The following LTBP1 variants were observed in gnomAD, a reference collection of about 807,000 sequenced individuals.
The protein encoded by LTBP1 is latent transforming growth factor beta binding protein 1, also known as latent-transforming growth factor beta-binding protein 1.
Under a neutral mutation model 207.6 loss-of-function variants are expected in LTBP1, and 129 were observed. That is an observed-to-expected ratio of 0.62 (90% CI 0.54 to 0.72). LTBP1 has a LOEUF of 0.72. Ranked by LOEUF, LTBP1 falls within the 30% of genes least tolerant of loss-of-function variation. LTBP1 has a pLI of 0.00. For missense variants in LTBP1, 2,281 were observed against 2,217.2 expected (o/e 1.03, Z -0.58); for synonymous variants, 963 against 833.7 (o/e 1.16, Z -2.67).
chr2:33,149,699 G>A (rs949568576), intron 5 of LTBP1, among the ~76,000 whole-genome samples: 1 of 152,200 alleles, frequency 6.6e-6, no homozygotes, highest in African/African-American at 2.4e-5. Flanking sequence ...ACTGAAACAA[G>A]AAATGACAAA....
Position 33,275,091 on chromosome 2 carries a change from G to A in LTBP1, c.2869+1G>A. On this transcript the variant is annotated splice_donor_variant, in intron 17 of 33. Transcript: ENST00000404816. LOFTEE classifies it high-confidence loss of function. Reference sequence around the variant, plus strand: ...AGTGAGGAGGGTACTAACTGCATAGGTAATGGCAGCATTCTTCCTGCTTAC... The same window carrying A: ...AGTGAGGAGGGTACTAACTGCATAGATAATGGCAGCATTCTTCCTGCTTAC... 1.9e-6 allele frequency: 3 copies of A among 1,613,640 alleles called. No individual in the cohort carries two copies. The highest frequency in any genetic ancestry group is 2.2e-5 in the South Asian group (2 of 91,062).
chr2:33,164,496 G>A (rs145292269), intron 5 of LTBP1, among the ~76,000 whole-genome samples: 155 of 151,608 alleles, frequency 1.0e-3, no homozygotes, highest in African/African-American at 3.5e-3. Flanking sequence ...TGTTTAGGAT[G>A]TGGGCCTATC....
intron 2 of LTBP1, among the ~76,000 whole-genome samples, chr2:32,974,187 A>G (rs1160572723): frequency 2.0e-5 from 3 of 152,206 alleles, no homozygotes; most frequent in South Asian, 4.1e-4. Context: ...ACTGTTCTCC[A>G]TAGTGTTGTG....
At chr2:33,200,586 AC>A (rs200190217) in intron 7 of LTBP1, among the ~76,000 whole-genome samples, 2,559 of 152,220 alleles carry the variant, frequency 0.017, 65 homozygotes, top group African/African-American at 0.057. Context: ...CCTGTCTAAA[AC>A]ACCAAAAGCA....
chr2:33,288,651 C>G (rs1362886114), intron 19 of LTBP1, among the ~76,000 whole-genome samples: 2 of 151,934 alleles, frequency 1.3e-5, no homozygotes, highest in East Asian at 1.9e-4. Flanking sequence ...GTCAGGAGAT[C>G]GAGACCATCC....
intron 4 of LTBP1, among the ~76,000 whole-genome samples, chr2:33,118,068 G>C (rs2080863598): frequency 6.6e-6 from 1 of 152,032 alleles, no homozygotes; most frequent in Non-Finnish European, 1.5e-5. Context: ...GACAGATTGG[G>C]AGCCTTACAG....
intron 24 of LTBP1, among the ~76,000 whole-genome samples, chr2:33,322,177 C>T (rs2094365139): frequency 6.6e-6 from 1 of 151,216 alleles, no homozygotes; most frequent in East Asian, 1.9e-4. Flanking sequence ...AACCCCAGAG[C>T]TATGGAAATC....
At chr2:33,272,574 A>C (rs777479705) in intron 15 of LTBP1, among the ~76,000 whole-genome samples, 1 of 152,238 alleles carries the variant, frequency 6.6e-6, no homozygotes, top group Non-Finnish European at 1.5e-5. Context: ...CATTGGCTAC[A>C]TGCGTTATTT....
At chr2:33,157,221 G>A (rs1330575745) in intron 5 of LTBP1, among the ~76,000 whole-genome samples, 3 of 152,186 alleles carry the variant, frequency 2.0e-5, no homozygotes, top group Non-Finnish European at 4.4e-5. Flanking sequence ...TATTGTCTGT[G>A]ATTATTTTAG....
chr2:33,138,844 T>TTC (rs2082355152), intron 5 of LTBP1, among the ~76,000 whole-genome samples: 1 of 137,560 alleles, frequency 7.3e-6, no homozygotes, highest in African/African-American at 2.6e-5. Flanking sequence ...AAAAAGTATG[T>TTC]TCTCTTTTTT....
chr2:33,357,926 C>T (rs1399556976), intron 26 of LTBP1, among the ~76,000 whole-genome samples: 1 of 152,146 alleles, frequency 6.6e-6, no homozygotes, highest in African/African-American at 2.4e-5. Context: ...CCCTCCACCC[C>T]TGGCAGCAAT....
chr2:33,117,302 T>A (rs2080804755), intron 4 of LTBP1, among the ~76,000 whole-genome samples: 1 of 152,350 alleles, frequency 6.6e-6, no homozygotes, highest in African/African-American at 2.4e-5. Context: ...GCTTGTAGCG[T>A]TAGCCTTCAG....
At chr2:33,110,236 A>G (rs2150252195) in intron 3 of LTBP1, among the ~76,000 whole-genome samples, 1 of 152,302 alleles carries the variant, frequency 6.6e-6, no homozygotes, top group East Asian at 1.9e-4. Flanking sequence ...GACTACAGTC[A>G]TGCACCATCA....
At chr2:32,975,456 A>T (rs1681562492) in intron 2 of LTBP1, among the ~76,000 whole-genome samples, 1 of 151,992 alleles carries the variant, frequency 6.6e-6, no homozygotes, top group African/African-American at 2.4e-5. Context: ...TTGTGAAGTG[A>T]ATGATATCCT....
intron 3 of LTBP1, among the ~76,000 whole-genome samples, chr2:33,046,869 T>A (rs975629924): frequency 6.6e-6 from 1 of 152,162 alleles, no homozygotes; most frequent in Non-Finnish European, 1.5e-5. Flanking sequence ...GAATTCATAT[T>A]TCTTCTAGAT....
At chr2:33,207,689 C>T (rs1474934605) in intron 7 of LTBP1, among the ~76,000 whole-genome samples, 1 of 152,190 alleles carries the variant, frequency 6.6e-6, no homozygotes, top group East Asian at 1.9e-4. Flanking sequence ...ACCCTTAGAA[C>T]AAGTTGATCA....
At chr2:33,169,101 T>C (rs1305706762) in intron 5 of LTBP1, among the ~76,000 whole-genome samples, 1 of 152,236 alleles carries the variant, frequency 6.6e-6, no homozygotes, top group Non-Finnish European at 1.5e-5. Context: ...TTCCCAAACA[T>C]TGTCCACCCA....
intron 24 of LTBP1, among the ~76,000 whole-genome samples, chr2:33,341,997 A>G (rs1359225328): frequency 1.3e-5 from 2 of 152,172 alleles, no homozygotes; most frequent in African/African-American, 4.8e-5. Flanking sequence ...CAGAGAGAGC[A>G]GAGTACCAGG....
At chr2:33,164,202 A>T (rs1221986064) in intron 5 of LTBP1, among the ~76,000 whole-genome samples, 1 of 151,612 alleles carries the variant, frequency 6.6e-6, no homozygotes, top group Non-Finnish European at 1.5e-5. Flanking sequence ...TACAAAAATT[A>T]GCTGGGTGTG....
Sources: gnomAD v4.1 joint callset for allele counts (sites outside exome capture counted in the v4.1 genomes callset) on GRCh38, gnomAD v4.1.1 for gene constraint, MANE v1.5 for transcripts, NCBI Gene and HGNC (gene_info 2026-07-23, HGNC 2026-07-21) for gene names.